Variants in PDE1C observed in about 807,000 individuals in gnomAD.
The protein encoded by PDE1C is dual specificity calcium/calmodulin-dependent 3',5'-cyclic nucleotide phosphodiesterase 1C.
A neutral mutation model predicts 93.1 loss-of-function variants in PDE1C; 62 were observed. The observed-to-expected ratio is 0.67, with a 90% confidence interval of 0.54 to 0.82. The LOEUF (loss-of-function observed/expected upper bound fraction) is 0.82, where lower values mean the gene tolerates loss of function less well. Ranked by LOEUF, PDE1C falls within the 40% of genes least tolerant of loss-of-function variation. The pLI, the probability that PDE1C is intolerant of heterozygous loss-of-function variation, is 0.00. For missense variants in PDE1C, 742 were observed against 884.6 expected (o/e 0.84, Z 2.04); for synonymous variants, 325 against 310.1 (o/e 1.05, Z -0.50).
chr7:32,220,509 A>T (rs1359251523), intron 1 of PDE1C, among the ~76,000 whole-genome samples: 1 of 152,174 alleles, frequency 6.6e-6, no homozygotes, highest in Non-Finnish European at 1.5e-5. Context: ...CACCATCAGA[A>T]AGCACATTAA....
intron 1 of PDE1C, among the ~76,000 whole-genome samples, chr7:32,254,863 C>A (rs1809670306): frequency 6.6e-6 from 1 of 152,172 alleles, no homozygotes; most frequent in Admixed American, 6.5e-5. Context: ...CCAACAAGCA[C>A]CCCTCTTCCA....
At chr7:31,671,238 C>T in the PDE1C span, among the ~76,000 whole-genome samples, 1 of 152,164 alleles carries the variant, frequency 6.6e-6, no homozygotes, top group South Asian at 2.1e-4. Flanking sequence ...AACACTCCTT[C>T]TGGGACTTCA....
intron 2 of PDE1C, among the ~76,000 whole-genome samples, chr7:32,206,446 C>T (rs1026540210): frequency 1.3e-5 from 2 of 152,078 alleles, no homozygotes; most frequent in Admixed American, 6.5e-5. Context: ...TTTTTAGGGC[C>T]TGGCACTGGA....
chr7:32,148,592 T>C (rs1178123884), intron 3 of PDE1C, among the ~76,000 whole-genome samples: 2 of 152,168 alleles, frequency 1.3e-5, no homozygotes, highest in African/African-American at 4.8e-5. Flanking sequence ...TTCCTAAAAT[T>C]AAATAAAATT....
chr7:32,098,144 G>A (rs1797858056), intron 3 of PDE1C, among the ~76,000 whole-genome samples: 1 of 146,146 alleles, frequency 6.8e-6, no homozygotes, highest in Non-Finnish European at 1.5e-5. Flanking sequence ...GCAGGAGAAT[G>A]GCGTGAACCC....
intron 1 of PDE1C, among the ~76,000 whole-genome samples, chr7:32,412,500 T>C (rs1268895377): frequency 1.3e-5 from 2 of 149,948 alleles, no homozygotes; most frequent in African/African-American, 5.0e-5. Flanking sequence ...ATCAGTAACA[T>C]AGTTGTTTAT....
chr7:31,875,479 A>T (rs189179943), intron 5 of PDE1C, among the ~76,000 whole-genome samples: 2 of 152,126 alleles, frequency 1.3e-5, no homozygotes, highest in Admixed American at 6.5e-5. Flanking sequence ...GACTCCAGAG[A>T]ATCCTGCTGT....
At chr7:31,620,424 C>T in the PDE1C span, among the ~76,000 whole-genome samples, 52 of 151,896 alleles carry the variant, frequency 3.4e-4, no homozygotes, top group African/African-American at 1.2e-3. Flanking sequence ...TCCAGAGGAA[C>T]GATCAGACAG....
At chr7:31,748,589 A>G (rs561569253), downstream of PDE1C, among the ~76,000 whole-genome samples, 1 of 152,372 alleles carries the variant, frequency 6.6e-6, no homozygotes, top group Non-Finnish European at 1.5e-5. Flanking sequence ...GCAGCTTTTC[A>G]TGTTCTGTGA....
chr7:31,877,956 T>C lies in PDE1C; in HGVS notation c.492+14A>G. On this transcript the variant is annotated intron_variant, in intron 5 of 17. Coordinates refer to ENST00000396191, the MANE Select transcript of PDE1C (RefSeq NM_001191057.4). ...GGTACCATGTACATTGTAAAATCTT[T>C]TCACTCGTATTACCTTTAATGCCTC... 1 of 1,588,188 alleles carries C rather than the reference T, an allele frequency of 6.3e-7. No homozygotes were observed. Among genetic ancestry groups the C allele is most frequent in the Non-Finnish European group, 8.6e-7 (1 of 1,158,590 alleles).
rs191145475 is a variant in PDE1C at position 31,823,287 on chromosome 7, T to C, written c.1407-39A>G. 0.023 allele frequency: 36,218 copies of C among 1,565,526 alleles called. 524 individuals are homozygous for C. Among genetic ancestry groups the C allele is most frequent in the South Asian group, 0.028 (2,339 of 83,864 alleles). On this transcript the variant is annotated intron_variant, in intron 13 of 17. Coordinates refer to ENST00000396191, the MANE Select transcript of PDE1C (RefSeq NM_001191057.4). ...AAATCATACCAAAGAAGAGAGTTAG[T>C]GTTTGGAAAATGTCTGCCAATGAGC...
intron 2 of PDE1C, among the ~76,000 whole-genome samples, chr7:31,894,506 T>C (rs1292479201): frequency 1.3e-5 from 2 of 152,216 alleles, no homozygotes; most frequent in African/African-American, 2.4e-5. Context: ...CCATGAACCA[T>C]CTGCACCAAG....
rs149253379 is a variant in PDE1C, at chr7:31,816,353, CAGTT to C, written c.1583-203_1583-200del. On this transcript the variant is annotated intron_variant, in intron 14 of 17. Coordinates refer to ENST00000396191, the MANE Select transcript of PDE1C (RefSeq NM_001191057.4). The stretch of plus-strand genomic sequence containing the variant: ...GTTCATAATGATGTCATTCTGAAAA[CAGTT>C]AGAGGAGAGGTCAGGGAGAAAATAA... Among the ~76,000 whole-genome samples, 3,135 of 152,124 alleles carry C rather than the reference CAGTT, an allele frequency of 0.021. 97 individuals are homozygous for C. The highest frequency in any genetic ancestry group is 0.072 in the African/African-American group (2,977 of 41,496).
chr7:32,293,858 T>C (rs556582413), intron 1 of PDE1C, among the ~76,000 whole-genome samples: 59 of 152,264 alleles, frequency 3.9e-4, no homozygotes, highest in African/African-American at 1.4e-3. Flanking sequence ...AGCTCCAAAG[T>C]TCTTGTTTCC....
the PDE1C span, among the ~76,000 whole-genome samples, chr7:31,721,129 G>T: frequency 6.6e-6 from 1 of 152,140 alleles, no homozygotes; most frequent in Non-Finnish European, 1.5e-5. Flanking sequence ...ACATTCCAGG[G>T]TCCATTGTAT....
chr7:31,718,121 G>A, the PDE1C span, among the ~76,000 whole-genome samples: 2 of 152,184 alleles, frequency 1.3e-5, no homozygotes, highest in African/African-American at 4.8e-5. Context: ...TACTCTCGCT[G>A]TATGGGATCT....
the PDE1C span, among the ~76,000 whole-genome samples, chr7:31,637,064 T>C: frequency 1.5e-4 from 23 of 152,004 alleles, no homozygotes; most frequent in Non-Finnish European, 2.8e-4. Flanking sequence ...AGGACATGAA[T>C]TCATCATTTT....
chr7:32,391,261 G>A (rs934735625), intron 1 of PDE1C, among the ~76,000 whole-genome samples: 3 of 151,574 alleles, frequency 2.0e-5, no homozygotes, highest in African/African-American at 7.3e-5. Context: ...TATTACCAGA[G>A]CAAAAAAAAG....
intron 2 of PDE1C, among the ~76,000 whole-genome samples, chr7:32,002,553 A>G (rs554111122): frequency 3.3e-5 from 5 of 150,628 alleles, no homozygotes; most frequent in Non-Finnish European, 7.4e-5. Flanking sequence ...AGTAATTAGA[A>G]CAGCGCCTGA....
Sources: allele counts gnomAD v4.1 joint callset (sites outside exome capture counted in the v4.1 genomes callset), GRCh38; gene constraint gnomAD v4.1.1; transcripts MANE v1.5; gene names NCBI Gene and HGNC (gene_info 2026-07-23, HGNC 2026-07-21).